EPHX1: variants seen among roughly 807,000 people sequenced by gnomAD.
The protein encoded by EPHX1 is epoxide hydrolase 1.
Under a neutral mutation model 43.2 loss-of-function variants are expected in EPHX1, and 40 were observed. The ratio of observed to expected loss-of-function variants is 0.93; its 90% CI spans 0.72 to 1.21. The LOEUF (loss-of-function observed/expected upper bound fraction) is 1.21, where lower values mean the gene tolerates loss of function less well. EPHX1 is among the 50% of genes most tolerant of loss of function. The probability of loss-of-function intolerance (pLI) is 0.00; values close to 1 mark genes in which losing one functional copy is unlikely to be tolerated. For missense variants in EPHX1, 550 were observed against 570.4 expected, an observed-to-expected ratio of 0.96 and a Z score of 0.36; for synonymous variants, 221 against 226.7, an observed-to-expected ratio of 0.98 and a Z score of 0.22.
rs1287181041 is a variant in EPHX1, at chr1:225,840,052, G to T, written c.931+15G>T. On this transcript the variant is annotated intron_variant, in intron 6 of 8. Transcript: ENST00000272167. ...TGACACCGTAGGTGAGTGTGCTCAG[G>T]GGTCCTCGCCCACTGCCGGCTCCAC... 1.9e-6 allele frequency: 3 copies of T among 1,613,178 alleles called. No individual in the cohort carries two copies. The highest frequency in any genetic ancestry group is 2.7e-5 in the African/African-American group (2 of 74,890).
At chr1:225,841,472 C>T (rs972726468) in intron 6 of EPHX1, among the ~76,000 whole-genome samples, 5 of 150,518 alleles carry the variant, frequency 3.3e-5, no homozygotes, top group African/African-American at 4.9e-5. Flanking sequence ...TTAGTAGAGA[C>T]GGGGTTTTAC....
At position 225,810,169 on chromosome 1, in the gene EPHX1, C is replaced by T. The variant is rs1318872053; in HGVS notation, c.-6C>T. On this transcript the variant is annotated splice_region_variant and 5_prime_UTR_variant, in exon 1 of 9. Transcript: ENST00000272167. ...GCCGCCGGAGCCTGCGAGCCGAGAC[C>T]GTAAGCGCCCGGGGCCGGCCGGGCC... 7.2e-5 allele frequency: 11 copies of T among 151,802 alleles called. No homozygotes were observed. The South Asian group carries it at 2.1e-3, about 29-fold the overall frequency. 9.4% of individuals were successfully genotyped at this position (151,802 alleles called of 1,614,324 possible).
At position 225,840,058 on chromosome 1, in the gene EPHX1, T is replaced by A. The variant is rs1668271849; in HGVS notation, c.931+21T>A. 3.7e-6 allele frequency: 6 copies of A among 1,612,552 alleles called. No homozygotes were observed. The East Asian group carries it at 1.3e-4, about 36-fold the overall frequency. Reference sequence around the variant, plus strand: ...CGTAGGTGAGTGTGCTCAGGGGTCCTCGCCCACTGCCGGCTCCACTGGGGC... The same window carrying A: ...CGTAGGTGAGTGTGCTCAGGGGTCCACGCCCACTGCCGGCTCCACTGGGGC... On this transcript the variant is annotated intron_variant, in intron 6 of 8. Coordinates refer to ENST00000272167, the MANE Select transcript of EPHX1 (RefSeq NM_001136018.4).
At chr1:225,842,846 G>A (rs890758431) in intron 7 of EPHX1, among the ~76,000 whole-genome samples, 7 of 152,210 alleles carry the variant, frequency 4.6e-5, no homozygotes, top group African/African-American at 1.7e-4. Context: ...TCACGTGACT[G>A]CGTGTTCCAG....
chr1:225,840,272 G>A (rs1668293624), intron 6 of EPHX1, among the ~76,000 whole-genome samples: 1 of 152,178 alleles, frequency 6.6e-6, no homozygotes, highest in African/African-American at 2.4e-5. Flanking sequence ...TATTCATAGT[G>A]GCTTTCACCC....
chr1:225,839,223 A>G lies in EPHX1; in HGVS notation c.599A>G (p.Asn200Ser). The change falls in exon 5 of 9, where the codon AAC (asparagine) becomes AGC (serine). Residue 200 changes from asparagine to serine, a missense_variant. Asn to Ser is a conservative substitution (Grantham distance 46, BLOSUM62 1). Coordinates refer to ENST00000272167, the MANE Select transcript of EPHX1 (RefSeq NM_001136018.4). ...FSEASSKKGF[N>S]SVATARIFYK... ...CTTTCCCCATCACTGCCAGGGTTCA[A>G]CTCGGTGGCCACCGCCAGGATCTTT... 6.2e-7 allele frequency: 1 copy of G among 1,613,992 alleles called. No individual in the cohort carries two copies. Among genetic ancestry groups the G allele is most frequent in the Non-Finnish European group, 8.5e-7 (1 of 1,179,996 alleles).
intron 7 of EPHX1, among the ~76,000 whole-genome samples, chr1:225,843,877 T>C (rs907632370): frequency 3.3e-5 from 5 of 152,186 alleles, no homozygotes; most frequent in African/African-American, 1.2e-4. Context: ...CAAAATCACA[T>C]TGAAAAGGCT....
rs1425842189 is a variant in EPHX1, at chr1:225,817,287, T to C, written c.-6+7118T>C. The stretch of plus-strand genomic sequence containing the variant: ...CTTGGGCCAGCCAAGGGAGTGGGGC[T>C]GGGAGCTTCAGGATGGCTTTTGGGA... On this transcript the variant is annotated intron_variant, in intron 1 of 8. Coordinates refer to ENST00000272167, the MANE Select transcript of EPHX1 (RefSeq NM_001136018.4). The surrounding 1 kb of genome is among the most constrained non-coding windows in gnomAD (Gnocchi z 5.7). Among the ~76,000 whole-genome samples, 1 of 152,180 alleles carries C rather than the reference T, an allele frequency of 6.6e-6. No individual in the cohort carries two copies.
intron 2 of EPHX1, 69 bp from the exon 3 acceptor site, chr1:225,831,710 A>G (rs1207132110): frequency 6.5e-7 from 1 of 1,539,950 alleles, no homozygotes. Context: ...TGTTTTCTGG[A>G]AACAGACTTT....
chr1:225,826,629 G>A (rs2102709157), intron 1 of EPHX1, among the ~76,000 whole-genome samples: 1 of 152,292 alleles, frequency 6.6e-6, no homozygotes. Flanking sequence ...ACAATCCAGA[G>A]AGGGAGATAG....
intron 7 of EPHX1, 101 bp from the exon 8 acceptor site, chr1:225,844,397 C>A: frequency 1.9e-6 from 3 of 1,584,606 alleles, no homozygotes; most frequent in Non-Finnish European, 2.6e-6. Context: ...AGGAGGGAAG[C>A]CGCATGGGCA....
Position 225,838,778 on chromosome 1 carries a change from CCTGA to C in EPHX1, c.495_498del (p.Asp166ProfsTer6). On this transcript the variant is annotated frameshift_variant, in exon 4 of 9. Transcript: ENST00000272167. LOFTEE classifies it high-confidence loss of function. ...ACGAGTTTTATAAGATCATCCCACT[CCTGA>C]CTGACCCCAAGAACCATGGCCTGAG... 2 of 1,614,224 alleles carry C rather than the reference CCTGA, an allele frequency of 1.2e-6. No individual in the cohort carries two copies. The highest frequency in any genetic ancestry group is 2.2e-5 in the East Asian group (1 of 44,872).
Position 225,839,853 on chromosome 1 carries a change from C to T in EPHX1, c.747C>T (p.Asn249=). 1 of 1,614,130 alleles carries T rather than the reference C, an allele frequency of 6.2e-7. No individual in the cohort carries two copies. Residue 249 remains asparagine (N), a synonymous_variant, in exon 6 of 9, where the codon AAC becomes AAT. Coordinates refer to ENST00000272167, the MANE Select transcript of EPHX1 (RefSeq NM_001136018.4). The stretch of plus-strand genomic sequence containing the variant: ...GCCACGTGAAAGGCCTGCACTTGAA[C>T]ATGGCTTTGGTTTTAAGCAACTTCT... ...VPSHVKGLHL[N]MALVLSNFST...
intron 2 of EPHX1, 119 bp downstream of exon 2, chr1:225,829,031 T>C: frequency 8.2e-7 from 1 of 1,222,816 alleles, no homozygotes. Flanking sequence ...TCCATCCTAC[T>C]TGGGAGTGTG....
intron 3 of EPHX1, among the ~76,000 whole-genome samples, chr1:225,836,935 C>T (rs1474845452): frequency 6.6e-6 from 1 of 152,130 alleles, no homozygotes; most frequent in Non-Finnish European, 1.5e-5. Context: ...TAAGTGTTCT[C>T]GCCATATAAT....
chr1:225,820,862 TTGTC>T (rs915050125), intron 1 of EPHX1, among the ~76,000 whole-genome samples: 1 of 152,072 alleles, frequency 6.6e-6, no homozygotes, highest in Admixed American at 6.6e-5. Flanking sequence ...TGTTATCCGT[TTGTC>T]TGCCCTGCTA....
intron 1 of EPHX1, among the ~76,000 whole-genome samples, chr1:225,826,818 A>C (rs978249419): frequency 6.6e-6 from 1 of 152,100 alleles, no homozygotes; most frequent in Admixed American, 6.5e-5. Context: ...GGCGAGGCAC[A>C]CAGGGGGCTG....
Position 225,842,266 on chromosome 1 carries a change from C to G in EPHX1, c.932-100C>G, listed in dbSNP as rs939597918. On this transcript the variant is annotated intron_variant, in intron 6 of 8. Transcript: ENST00000272167. ...GTGCTCGAACGTGGCTTCCTGCACA[C>G]AGCCCCGCCCTCTGCGGCCAGTGCC... is the stretch of plus-strand genomic sequence containing the variant. 8 of 912,980 alleles carry G rather than the reference C, an allele frequency of 8.8e-6. No individual in the cohort carries two copies. The Admixed American group carries it at 1.3e-4, about 15-fold the overall frequency. 56.6% of individuals were successfully genotyped at this position (912,980 alleles called of 1,614,324 possible).
chr1:225,815,724 C>T (rs1402689697), intron 1 of EPHX1, among the ~76,000 whole-genome samples: 2 of 152,230 alleles, frequency 1.3e-5, no homozygotes, highest in Non-Finnish European at 2.9e-5. Flanking sequence ...GGTCCTCGGG[C>T]TGCCCTACAG....
Sources: gnomAD v4.1 joint callset for allele counts (sites outside exome capture counted in the v4.1 genomes callset) on GRCh38, gnomAD v4.1.1 for gene constraint, Gnocchi (gnomAD v3.1) non-coding constraint, MANE v1.5 for transcripts, NCBI Gene and HGNC (gene_info 2026-07-23, HGNC 2026-07-21) for gene names.